Variants in CD300LD observed in about 807,000 individuals in gnomAD.
The protein encoded by CD300LD is CMRF35-like molecule 5.
Under a neutral mutation model 20.3 loss-of-function variants are expected in CD300LD, and 18 were observed. The observed-to-expected ratio is 0.89, with a 90% confidence interval of 0.61 to 1.32. The LOEUF is 1.32. Ranked by LOEUF, CD300LD falls within the 40% of genes most tolerant of loss-of-function variation. CD300LD has a pLI of 0.00. For missense variants in CD300LD, 195 were observed against 226.6 expected, an observed-to-expected ratio of 0.86 and a Z score of 0.90; for synonymous variants, 104 against 90.1, an observed-to-expected ratio of 1.15 and a Z score of -0.87.
In CD300LD at chr17:74,588,896, G is replaced by T. The variant is rs372112007; in HGVS notation, c.41-47C>A. On this transcript the variant is annotated intron_variant, in intron 1 of 3. Transcript: ENST00000375352. ...GTCGTCACCTCCCACCCCAAGGGCA[G>T]GGCCACAGCCTCGTGCATTGGGAGT... 7.1e-6 allele frequency: 10 copies of T among 1,415,446 alleles called. No individual in the cohort carries two copies. The South Asian group carries it at 1.2e-4, about 18-fold the overall frequency. 87.7% of individuals were successfully genotyped at this position (1,415,446 alleles called of 1,614,324 possible).
chr17:74,584,223 G>A (rs2030105073), intron 2 of CD300LD, among the ~76,000 whole-genome samples: 2 of 152,216 alleles, frequency 1.3e-5, no homozygotes, highest in Admixed American at 1.3e-4. Flanking sequence ...ATCTCTGGCG[G>A]GCATACATTT....
intron 2 of CD300LD, among the ~76,000 whole-genome samples, chr17:74,587,460 C>T (rs898260234): frequency 6.6e-6 from 1 of 152,082 alleles, no homozygotes; most frequent in Non-Finnish European, 1.5e-5. Flanking sequence ...TAATTTATAT[C>T]TTTTTCCTGA....
chr17:74,585,861 C>T (rs970912119), intron 2 of CD300LD, among the ~76,000 whole-genome samples: 2 of 152,170 alleles, frequency 1.3e-5, no homozygotes, highest in Admixed American at 6.5e-5. Flanking sequence ...CTGCTGGACA[C>T]GGAGACATTA....
At position 74,581,758 on chromosome 17, in the gene CD300LD, C is replaced by G. The variant is rs140449860; in HGVS notation, c.473+460G>C. Among the ~76,000 whole-genome samples the G allele has an allele frequency of 3.7e-3, 562 of 152,304 alleles. 7 individuals carry two copies. Among genetic ancestry groups the G allele is most frequent in the East Asian group, 0.012 (61 of 5,188 alleles). ...GTGGGGAGGGCATGTTCAGGCCCCT[C>G]TCCTGCCACCTTCAGTCATGTGGTG... On this transcript the variant is annotated intron_variant, in intron 3 of 3. Coordinates refer to ENST00000375352, the MANE Select transcript of CD300LD (RefSeq NM_001115152.2).
chr17:74,580,808 G>A (rs1031546246), intron 3 of CD300LD, among the ~76,000 whole-genome samples: 2 of 151,150 alleles, frequency 1.3e-5, no homozygotes, highest in Non-Finnish European at 2.9e-5. Flanking sequence ...GTTCGCACGT[G>A]TAATCCCAGC....
rs533141679 is a variant in CD300LD, at chr17:74,579,879, T to C, written c.*123A>G. ...CAGCCTGGGTGACAGAGCAAGACTC[T>C]ATCTCTAGAAAGAAAAAAAGAAGAG... On this transcript the variant is annotated 3_prime_UTR_variant, in exon 4 of 4. Coordinates refer to ENST00000375352, the MANE Select transcript of CD300LD (RefSeq NM_001115152.2). 3 of 583,446 alleles carry C rather than the reference T, an allele frequency of 5.1e-6. No homozygotes were observed. The highest frequency in any genetic ancestry group is 3.8e-5 in the South Asian group (2 of 52,568). 36.1% of individuals were successfully genotyped at this position (583,446 alleles called of 1,614,324 possible). A position where few individuals can be genotyped will look rare whatever the true frequency, so the allele number is the denominator to read the frequency against.
rs778353253 is a variant in CD300LD, at chr17:74,582,251, G to A, written c.440C>T (p.Ala147Val). The A allele has an allele frequency of 3.1e-6, 5 of 1,613,808 alleles. No individual in the cohort carries two copies. Among genetic ancestry groups the A allele is most frequent in the South Asian group, 2.2e-5 (2 of 91,060 alleles). Residue 147 changes from alanine to valine, a missense_variant, in exon 3 of 4, where the codon GCA becomes GTA. Coordinates refer to ENST00000375352, the MANE Select transcript of CD300LD (RefSeq NM_001115152.2). ...GGGGCTGCTGGTCTTCTGGGTGGCT[G>A]CAGCTGTGAAAGCCAGGCTTGCTGT... ...TTTASLAFTA[A>V]ATQKTSSPLT...
chr17:74,585,334 G>C (rs1598129404), intron 2 of CD300LD, among the ~76,000 whole-genome samples: 1 of 152,098 alleles, frequency 6.6e-6, no homozygotes, highest in East Asian at 1.9e-4. Flanking sequence ...TTCTTATTCT[G>C]CTAGACAGCA....
At chr17:74,582,604 T>C (rs753596295) in intron 2 of CD300LD, among the ~76,000 whole-genome samples, 3 of 152,240 alleles carry the variant, frequency 2.0e-5, no homozygotes, top group Non-Finnish European at 4.4e-5. Flanking sequence ...GCTAGCTCTT[T>C]TCTGAGTCTC....
rs768141073 is a variant in CD300LD at position 74,579,954 on chromosome 17, A to T, written c.*48T>A. Reference sequence around the variant, plus strand: ...GGGAGGGCCTTTCGCCCTGGACAGGACGTCAATGGGCATTGGGACTCTCAT... The same window carrying T: ...GGGAGGGCCTTTCGCCCTGGACAGGTCGTCAATGGGCATTGGGACTCTCAT... On this transcript the variant is annotated 3_prime_UTR_variant, in exon 4 of 4. Transcript: ENST00000375352. 1.7e-6 allele frequency: 2 copies of T among 1,177,862 alleles called. No individual in the cohort carries two copies. Among genetic ancestry groups the T allele is most frequent in the East Asian group, 4.7e-5 (2 of 42,172 alleles). The allele number at this position is 1,177,862 out of a possible 1,614,324, so 73.0% of individuals were successfully genotyped here.
Position 74,590,713 on chromosome 17 carries a change from G to A in CD300LD, c.40+1450C>T, listed in dbSNP as rs1316075115. 6 of 152,072 alleles carry A rather than the reference G, an allele frequency of 3.9e-5. No homozygotes were observed. The East Asian group carries it at 1.2e-3, about 29-fold the overall frequency. The allele number at this position is 152,072 out of a possible 1,614,324, so 9.4% of individuals were successfully genotyped here. On this transcript the variant is annotated intron_variant, in intron 1 of 3. Coordinates refer to ENST00000375352, the MANE Select transcript of CD300LD (RefSeq NM_001115152.2). ...GCTTCATTTGTTCACTCTGAAAAAAGTTCTACATCAGAATGGAAAGACAAC... is the reference window on the plus strand; with the variant it reads ...GCTTCATTTGTTCACTCTGAAAAAAATTCTACATCAGAATGGAAAGACAAC...
intron 2 of CD300LD, among the ~76,000 whole-genome samples, chr17:74,585,763 G>T (rs1315329004): frequency 6.6e-6 from 1 of 152,212 alleles, no homozygotes; most frequent in African/African-American, 2.4e-5. Context: ...AAAGCATTTG[G>T]CTTGCACTTG....
At chr17:74,584,383 A>G (rs1228296763) in intron 2 of CD300LD, among the ~76,000 whole-genome samples, 2 of 152,170 alleles carry the variant, frequency 1.3e-5, no homozygotes, top group Non-Finnish European at 2.9e-5. Flanking sequence ...GGCCGAAAGA[A>G]TGAGAGTCAT....
intron 1 of CD300LD, among the ~76,000 whole-genome samples, chr17:74,591,262 A>AAAAAAT (rs1555650249): frequency 1.8e-5 from 2 of 114,118 alleles, no homozygotes; most frequent in African/African-American, 9.7e-5. Flanking sequence ...AAAAAAAAAA[A>AAAAAAT]AATAAAAATA....
chr17:74,591,062 A>G (rs1330927593), intron 1 of CD300LD, among the ~76,000 whole-genome samples: 2 of 151,992 alleles, frequency 1.3e-5, no homozygotes, highest in Non-Finnish European at 2.9e-5. Flanking sequence ...GTGACAGAGC[A>G]CACCCTGTCT....
intron 1 of CD300LD, among the ~76,000 whole-genome samples, chr17:74,590,265 T>G (rs780200815): frequency 6.6e-6 from 1 of 152,170 alleles, no homozygotes; most frequent in Non-Finnish European, 1.5e-5. Context: ...ACCATGATTG[T>G]GAGGCCTCCC....
At position 74,588,617 on chromosome 17, in the gene CD300LD, G is replaced by T. The variant is rs375361887; in HGVS notation, c.273C>A (p.Thr91=). The T allele has an allele frequency of 1.2e-6, 2 of 1,613,718 alleles. No individual in the cohort carries two copies. The highest frequency in any genetic ancestry group is 1.7e-6 in the Non-Finnish European group (2 of 1,179,768). Residue 91 remains threonine, a synonymous_variant, in exon 2 of 4, where the codon ACC becomes ACA. Coordinates refer to ENST00000375352, the MANE Select transcript of CD300LD (RefSeq NM_001115152.2). ...CTCTTTTGAGATTCTCCATGGTCAC[G>T]GTGAACACGTGGTTTTTCTGATTGT... ...IRDNQKNHVF[T]VTMENLKRDD...
At chr17:74,582,194 G>C (rs1157250074) in intron 3 of CD300LD, 24 bp downstream of exon 3, 10 of 1,607,362 alleles carry the variant, frequency 6.2e-6, no homozygotes, top group Non-Finnish European at 8.5e-6. Flanking sequence ...CTGTGCGAAA[G>C]TGGTGGGACC....
chr17:74,579,630 A>C lies in CD300LD; in HGVS notation c.*372T>G, dbSNP rs2029987712. Reference sequence around the variant, plus strand: ...CCAGGTGCGGTGGCTCACACCTGTAATCCCACCACTTTGGGAGGCGAAGCG... The same window carrying C: ...CCAGGTGCGGTGGCTCACACCTGTACTCCCACCACTTTGGGAGGCGAAGCG... On this transcript the variant is annotated 3_prime_UTR_variant, in exon 4 of 4. Coordinates refer to ENST00000375352, the MANE Select transcript of CD300LD (RefSeq NM_001115152.2). The C allele has an allele frequency of 5.8e-6, 1 of 173,058 alleles. No homozygotes were observed. Among genetic ancestry groups the C allele is most frequent in the Admixed American group, 5.9e-5 (1 of 16,856 alleles). The allele number at this position is 173,058 out of a possible 1,614,324, so 10.7% of individuals were successfully genotyped here.
Sources: gnomAD v4.1 joint callset for allele counts (sites outside exome capture counted in the v4.1 genomes callset) on GRCh38, gnomAD v4.1.1 for gene constraint, MANE v1.5 for transcripts, NCBI Gene and HGNC (gene_info 2026-07-23, HGNC 2026-07-21) for gene names.